The following PDE4D variants were observed in gnomAD, a reference collection of about 807,000 sequenced individuals.
PDE4D encodes the protein 3',5'-cyclic-AMP phosphodiesterase 4D.
A neutral mutation model predicts 87.4 loss-of-function variants in PDE4D; 24 were observed. That is an observed-to-expected ratio of 0.27 (90% CI 0.20 to 0.39). The LOEUF is 0.39. PDE4D is among the 10% of genes least tolerant of loss of function. The pLI is 1.00. For synonymous variants in PDE4D, 384 were observed against 383.2 expected (o/e 1.00, Z -0.02); for missense variants, 714 against 1,041.0 (o/e 0.69, Z 4.32).
intron 1 of PDE4D, among the ~76,000 whole-genome samples, chr5:59,373,161 G>A (rs1012863279): frequency 6.6e-6 from 1 of 152,148 alleles, no homozygotes; most frequent in Admixed American, 6.6e-5. Context: ...TCTAAAGCAA[G>A]CTTCTAAACC....
chr5:59,924,182 C>A (rs1193372516), intron 3 of PDE4D, among the ~76,000 whole-genome samples: 1 of 151,438 alleles, frequency 6.6e-6, no homozygotes, highest in Admixed American at 6.6e-5. Flanking sequence ...TCAGAAGAGA[C>A]AAAAGAAAGA....
intron 1 of PDE4D, among the ~76,000 whole-genome samples, chr5:59,688,495 G>A (rs1315830033): frequency 6.6e-6 from 1 of 152,116 alleles, no homozygotes; most frequent in Non-Finnish European, 1.5e-5. Context: ...AATGAAGGCA[G>A]AAATAAAGAT....
At chr5:60,256,730 A>AG (rs1318520677) in intron 1 of PDE4D, among the ~76,000 whole-genome samples, 1 of 151,952 alleles carries the variant, frequency 6.6e-6, no homozygotes, top group Non-Finnish European at 1.5e-5. Flanking sequence ...AGGAGACAGA[A>AG]CTGAAGAAGA....
chr5:60,308,693 A>G (rs1438107423), intron 1 of PDE4D, among the ~76,000 whole-genome samples: 3 of 152,218 alleles, frequency 2.0e-5, no homozygotes, highest in Non-Finnish European at 4.4e-5. Flanking sequence ...TTATAATTAC[A>G]GTATTATGGG....
intron 1 of PDE4D, chr5:59,592,150 C>T (rs1481491648): frequency 1.0e-6 from 1 of 984,296 alleles, no homozygotes; most frequent in Admixed American, 6.2e-5. Flanking sequence ...AAAGCCAATC[C>T]CCCAGGAACA....
At chr5:60,060,775 G>C (rs1016820158) in intron 2 of PDE4D, among the ~76,000 whole-genome samples, 1 of 151,910 alleles carries the variant, frequency 6.6e-6, no homozygotes, top group African/African-American at 2.4e-5. Flanking sequence ...TTGAACTTTG[G>C]GGGTAGGTTT....
intron 1 of PDE4D, among the ~76,000 whole-genome samples, chr5:60,519,008 G>A (rs183602826): frequency 1.1e-3 from 172 of 152,230 alleles, no homozygotes; most frequent in Admixed American, 2.6e-3. Context: ...CGGGGCTAAC[G>A]TCAACCAACT....
chr5:59,542,120 C>T (rs1185487495), intron 1 of PDE4D, among the ~76,000 whole-genome samples: 1 of 152,144 alleles, frequency 6.6e-6, no homozygotes, highest in Non-Finnish European at 1.5e-5. Context: ...CAAGACCAGC[C>T]TCTAAGGTCA....
At chr5:60,193,194 G>T (rs1785334665) in intron 1 of PDE4D, among the ~76,000 whole-genome samples, 1 of 152,042 alleles carries the variant, frequency 6.6e-6, no homozygotes, top group African/African-American at 2.4e-5. Flanking sequence ...TAAATTAGGT[G>T]TTGAGGCCTC....
At chr5:60,132,511 G>A (rs1779672890) in intron 2 of PDE4D, among the ~76,000 whole-genome samples, 1 of 151,952 alleles carries the variant, frequency 6.6e-6, no homozygotes, top group African/African-American at 2.4e-5. Flanking sequence ...AATAGAATCA[G>A]TATATTGTAA....
intron 1 of PDE4D, among the ~76,000 whole-genome samples, chr5:60,291,338 T>C (rs1752874237): frequency 6.6e-6 from 1 of 152,170 alleles, no homozygotes; most frequent in Admixed American, 6.5e-5. Context: ...TTATCCGCTA[T>C]CCAGGTAATA....
intron 1 of PDE4D, among the ~76,000 whole-genome samples, chr5:60,324,902 T>C (rs1381847655): frequency 6.6e-6 from 1 of 152,206 alleles, no homozygotes; most frequent in Non-Finnish European, 1.5e-5. Context: ...CAGAAAAATA[T>C]GATTTCTAAA....
chr5:59,621,281 C>T (rs1561342992), intron 1 of PDE4D, among the ~76,000 whole-genome samples: 1 of 152,134 alleles, frequency 6.6e-6, no homozygotes, highest in Admixed American at 6.5e-5. Flanking sequence ...TGTATATTAG[C>T]AATACCCTTT....
chr5:59,674,751 T>C (rs980129675), intron 1 of PDE4D, among the ~76,000 whole-genome samples: 1 of 152,218 alleles, frequency 6.6e-6, no homozygotes, highest in African/African-American at 2.4e-5. Flanking sequence ...TCTTACTCTT[T>C]TCAATAGGTA....
chr5:60,186,582 C>G (rs933350244), intron 1 of PDE4D, among the ~76,000 whole-genome samples: 3 of 151,962 alleles, frequency 2.0e-5, no homozygotes, highest in Non-Finnish European at 4.4e-5. Context: ...GGATAAAAGG[C>G]TTGGTCAAAC....
chr5:60,311,540 C>G (rs1755041776), intron 1 of PDE4D, among the ~76,000 whole-genome samples: 1 of 152,140 alleles, frequency 6.6e-6, no homozygotes, highest in Admixed American at 6.6e-5. Flanking sequence ...ACCACCAGAC[C>G]TGCATTACAA....
intron 1 of PDE4D, among the ~76,000 whole-genome samples, chr5:59,751,045 C>T (rs1760379942): frequency 6.7e-6 from 1 of 149,640 alleles, no homozygotes; most frequent in Non-Finnish European, 1.5e-5. Flanking sequence ...ACACAGGAAA[C>T]ACTCAAACTA....
intron 1 of PDE4D, among the ~76,000 whole-genome samples, chr5:60,350,290 C>T (rs929373808): frequency 3.3e-5 from 5 of 152,194 alleles, no homozygotes; most frequent in African/African-American, 1.2e-4. Context: ...CCACAGATGA[C>T]TCCTGGCAAC....
Position 59,903,258 on chromosome 5 carries a change from C to T in PDE4D, c.272+85230G>A, listed in dbSNP as rs1269191677. ...CACAGCAGGAATTAGTAATAACTAA[C>T]AAGAACTCAGGACAGTTGCCTAAGG... On this transcript the variant is annotated intron_variant, in intron 3 of 16. Transcript: ENST00000502484. 9.9e-4 allele frequency among the ~76,000 whole-genome samples: 151 copies of T among 152,176 alleles called. 1 individual carries two copies. The highest frequency in any genetic ancestry group is 3.5e-3 in the African/African-American group (146 of 41,528).
Sources: allele counts gnomAD v4.1 joint callset (sites outside exome capture counted in the v4.1 genomes callset), GRCh38; gene constraint gnomAD v4.1.1; transcripts MANE v1.5; gene names NCBI Gene and HGNC (gene_info 2026-07-23, HGNC 2026-07-21).